PAK5: variants seen among roughly 807,000 people sequenced by gnomAD.
PAK5 encodes p21 (RAC1) activated kinase 5.
PAK5 carries 16 observed loss-of-function variants against 65.9 expected under a neutral mutation model. That is an observed-to-expected ratio of 0.24 (90% CI 0.16 to 0.37). The LOEUF (loss-of-function observed/expected upper bound fraction) is 0.37, where lower values mean the gene tolerates loss of function less well. PAK5 is among the 10% of genes least tolerant of loss of function. PAK5 has a pLI of 1.00. For synonymous variants in PAK5, 371 were observed against 354.9 expected (o/e 1.05, Z -0.51); for missense variants, 785 against 903.9 (o/e 0.87, Z 1.69).
chr20:9,698,588 C>G (rs77180689), intron 2 of PAK5, among the ~76,000 whole-genome samples: 1 of 152,154 alleles, frequency 6.6e-6, no homozygotes, highest in Admixed American at 6.6e-5. Flanking sequence ...AATGATCATA[C>G]CTCCCATTCA....
Position 9,566,205 on chromosome 20 carries a change from G to T in PAK5, c.1170C>A (p.Ser390Arg), listed in dbSNP as rs1438419751. ...ATLYHHPSLQ[S>R]SSQYISTASY... ...AAGCCGTGGAGATGTACTGCGAACT[G>T]CTCTGCAGGGAGGGGTGATGGTACA... Residue 390 changes from serine to arginine, a missense_variant, in exon 5 of 10, where the codon AGC (serine) becomes AGA (arginine). Physicochemically the swap from Ser to Arg is moderately radical, Grantham distance 110. Coordinates refer to ENST00000353224, the MANE Select transcript of PAK5 (RefSeq NM_177990.4). 1.9e-6 allele frequency: 3 copies of T among 1,613,770 alleles called. No individual in the cohort carries two copies. The Admixed American group carries it at 5.0e-5, about 27-fold the overall frequency.
At chr20:9,767,634 T>C (rs1408619286) in intron 1 of PAK5, among the ~76,000 whole-genome samples, 1 of 152,144 alleles carries the variant, frequency 6.6e-6, no homozygotes, top group African/African-American at 2.4e-5. Context: ...TATTTAAGCT[T>C]TCTGTAGAGT....
intron 2 of PAK5, among the ~76,000 whole-genome samples, chr20:9,672,079 A>C (rs965380415): frequency 1.3e-5 from 2 of 151,848 alleles, no homozygotes; most frequent in East Asian, 2.0e-4. Flanking sequence ...GAGGAAGGAC[A>C]AAAAAAACTA....
chr20:9,559,057 T>G (rs990668051), intron 6 of PAK5, among the ~76,000 whole-genome samples: 1 of 152,200 alleles, frequency 6.6e-6, no homozygotes, highest in African/African-American at 2.4e-5. Context: ...TGGATTTTCC[T>G]AATGAGTGAA....
chr20:9,557,286 G>A (rs2045522122), intron 7 of PAK5, among the ~76,000 whole-genome samples: 1 of 152,166 alleles, frequency 6.6e-6, no homozygotes, highest in Non-Finnish European at 1.5e-5. Context: ...TAGGTTGGAT[G>A]CACCCCTAGA....
At chr20:9,621,864 C>T (rs1170177518) in intron 3 of PAK5, among the ~76,000 whole-genome samples, 1 of 152,186 alleles carries the variant, frequency 6.6e-6, no homozygotes, top group African/African-American at 2.4e-5. Context: ...TTGCTATCTC[C>T]AGGTGAGACA....
At chr20:9,588,978 G>C (rs1025402404) in intron 3 of PAK5, among the ~76,000 whole-genome samples, 2 of 152,104 alleles carry the variant, frequency 1.3e-5, no homozygotes, top group African/African-American at 4.8e-5. Context: ...GTCTCCCCTT[G>C]TTCCCCGAAA....
intron 1 of PAK5, among the ~76,000 whole-genome samples, chr20:9,729,516 T>C (rs975499542): frequency 6.6e-6 from 1 of 152,168 alleles, no homozygotes; most frequent in African/African-American, 2.4e-5. Flanking sequence ...TCTCAGTATC[T>C]CTTGTACCCA....
At chr20:9,642,787 T>C (rs953375815) in intron 3 of PAK5, among the ~76,000 whole-genome samples, 1 of 152,216 alleles carries the variant, frequency 6.6e-6, no homozygotes, top group Non-Finnish European at 1.5e-5. Flanking sequence ...TCCCAAAGCT[T>C]TATCTTCTCA....
intron 2 of PAK5, among the ~76,000 whole-genome samples, chr20:9,691,286 A>G (rs2047793711): frequency 6.6e-6 from 1 of 152,210 alleles, no homozygotes; most frequent in South Asian, 2.1e-4. Context: ...GTACCAAAAG[A>G]GGAAAGCACT....
At chr20:9,541,037 C>T (rs1444741996) in intron 9 of PAK5, among the ~76,000 whole-genome samples, 1 of 152,112 alleles carries the variant, frequency 6.6e-6, no homozygotes, top group Admixed American at 6.5e-5. Context: ...CACCCAGCCA[C>T]TTTTCATTAT....
chr20:9,814,032 A>C (rs1335581997), intron 1 of PAK5, among the ~76,000 whole-genome samples: 1 of 152,200 alleles, frequency 6.6e-6, no homozygotes, highest in East Asian at 1.9e-4. Flanking sequence ...AATAGGAAGC[A>C]TATAAGCTGA....
intron 1 of PAK5, among the ~76,000 whole-genome samples, chr20:9,811,133 T>A (rs1403837413): frequency 1.3e-5 from 2 of 152,200 alleles, no homozygotes; most frequent in African/African-American, 4.8e-5. Context: ...ATATTTAATT[T>A]GAGCAAAATG....
intron 2 of PAK5, among the ~76,000 whole-genome samples, chr20:9,708,256 G>A (rs1197906463): frequency 1.3e-5 from 2 of 152,030 alleles, no homozygotes. Flanking sequence ...GACAAACTCG[G>A]GTTTGAATCT....
chr20:9,734,175 TC>T (rs2048363992), intron 1 of PAK5, among the ~76,000 whole-genome samples: 1 of 152,196 alleles, frequency 6.6e-6, no homozygotes, highest in Non-Finnish European at 1.5e-5. Flanking sequence ...AAAGTTGTAA[TC>T]TCAAAGTTTT....
At chr20:9,731,348 C>T (rs143319172) in intron 1 of PAK5, among the ~76,000 whole-genome samples, 56 of 152,096 alleles carry the variant, frequency 3.7e-4, no homozygotes, top group African/African-American at 1.3e-3. Context: ...CAAAATATCA[C>T]CATTTCAGCA....
intron 3 of PAK5, among the ~76,000 whole-genome samples, chr20:9,621,163 T>G (rs537550136): frequency 2.0e-5 from 3 of 152,130 alleles, no homozygotes; most frequent in Admixed American, 6.5e-5. Context: ...AGATGGTCAC[T>G]GCTGAGACAT....
At chr20:9,725,948 A>G (rs2048272582) in intron 1 of PAK5, among the ~76,000 whole-genome samples, 1 of 152,282 alleles carries the variant, frequency 6.6e-6, no homozygotes, top group South Asian at 2.1e-4. Flanking sequence ...TAAGAAAAAA[A>G]ATTAATTTGA....
chr20:9,675,729 G>A lies in PAK5; in HGVS notation c.-11-31390C>T, dbSNP rs141062518. Among the ~76,000 whole-genome samples the A allele has an allele frequency of 5.7e-4, 87 of 152,274 alleles. 1 individual carries two copies. The East Asian group carries it at 0.017, about 29-fold the overall frequency. On this transcript the variant is annotated intron_variant, in intron 2 of 9. Transcript: ENST00000353224. ...TCACATTCTTAAAATTAACATTTAT[G>A]AGAGGAAGGCATGTTTCTAAAGAAG...
Sources: allele counts gnomAD v4.1 joint callset (sites outside exome capture counted in the v4.1 genomes callset), GRCh38; gene constraint gnomAD v4.1.1; transcripts MANE v1.5; gene names NCBI Gene and HGNC (gene_info 2026-07-23, HGNC 2026-07-21).